AMOTL1: variants seen among roughly 807,000 people sequenced by gnomAD.
AMOTL1 encodes angiomotin like 1.
In AMOTL1, 45 loss-of-function variants were observed where a neutral mutation model predicts 102.9. The ratio of observed to expected loss-of-function variants is 0.44; its 90% confidence interval spans 0.34 to 0.56. AMOTL1 has a LOEUF of 0.56. Ranked by LOEUF, AMOTL1 falls within the 20% of genes least tolerant of loss-of-function variation. AMOTL1 has a pLI of 0.01. For missense variants in AMOTL1, 1,114 were observed against 1,225.6 expected (o/e 0.91, Z 1.36); for synonymous variants, 481 against 484.7 (o/e 0.99, Z 0.10).
In AMOTL1 at chr11:94,792,838, T is replaced by A. The variant is rs144028689; in HGVS notation, c.50-2173T>A. The stretch of plus-strand genomic sequence containing the variant: ...GTGAAGGGAAAAGGCATATCTTTGG[T>A]GTCCTCTGTGCTCCGGCCCTGCTTC... On this transcript the variant is annotated intron_variant, in intron 1 of 12. Coordinates refer to ENST00000433060, the MANE Select transcript of AMOTL1 (RefSeq NM_130847.3). Among the ~76,000 whole-genome samples the A allele has an allele frequency of 4.8e-3, 729 of 152,310 alleles. 11 individuals are homozygous for A. The highest frequency in any genetic ancestry group is 0.034 in the South Asian group (166 of 4,818).
At chr11:94,829,984 T>G (rs1419550287) in intron 4 of AMOTL1, 66 bp from the exon 5 acceptor site, 2 of 1,471,136 alleles carry the variant, frequency 1.4e-6, no homozygotes, top group Non-Finnish European at 9.1e-7. Flanking sequence ...TGTCTAAGAA[T>G]CCATTTTACC....
intron 2 of AMOTL1, among the ~76,000 whole-genome samples, chr11:94,733,422 TA>T (rs1950387290): frequency 6.6e-6 from 1 of 152,230 alleles, no homozygotes; most frequent in Non-Finnish European, 1.5e-5. Flanking sequence ...TTAGGACACT[TA>T]TTAAAGATTA....
chr11:94,729,310 G>A (rs1381487477), intron 2 of AMOTL1, among the ~76,000 whole-genome samples: 3 of 152,102 alleles, frequency 2.0e-5, no homozygotes, highest in Admixed American at 6.5e-5. Context: ...TGCCCACTTT[G>A]CAGTGTTATG....
chr11:94,805,267 G>A (rs571389560), intron 3 of AMOTL1, among the ~76,000 whole-genome samples: 3 of 152,198 alleles, frequency 2.0e-5, no homozygotes, highest in Non-Finnish European at 2.9e-5. Flanking sequence ...GAATTCTGGT[G>A]AAGTATTCTA....
At chr11:94,867,563 TTCC>T (rs946247229) in intron 11 of AMOTL1, among the ~76,000 whole-genome samples, 10 of 152,280 alleles carry the variant, frequency 6.6e-5, no homozygotes, top group African/African-American at 2.4e-4. Context: ...TGCACTGATA[TTCC>T]TCCTCATTGT....
intron 1 of AMOTL1, among the ~76,000 whole-genome samples, chr11:94,716,186 T>C (rs1209790164): frequency 6.6e-6 from 1 of 152,160 alleles, no homozygotes; most frequent in Non-Finnish European, 1.5e-5. Context: ...AATTCTATTT[T>C]CTGCATTTGT....
rs187823471 is a variant in AMOTL1 at position 94,788,605 on chromosome 11, A to G, written c.50-6406A>G. Among the ~76,000 whole-genome samples the G allele has an allele frequency of 3.3e-5, 5 of 152,308 alleles. No individual in the cohort carries two copies. In the East Asian group the frequency reaches 9.7e-4, roughly 29 times the overall value. The stretch of plus-strand genomic sequence containing the variant: ...ATTACTCATGGAACTCCAAAGCAGT[A>G]TGTTCCTTTAACATACTTTGCAATA... On this transcript the variant is annotated intron_variant, in intron 1 of 12. Transcript: ENST00000433060.
rs1406372738 is a variant in AMOTL1, at chr11:94,795,148, A to G, written c.187A>G (p.Arg63Gly). 3.7e-6 allele frequency: 6 copies of G among 1,613,578 alleles called. No homozygotes were observed. The highest frequency in any genetic ancestry group is 5.1e-6 in the Non-Finnish European group (6 of 1,179,826). The part of the protein sequence containing the change: ...ALTVEATSSI[R>G]EKVVEDPLCN... The stretch of plus-strand genomic sequence containing the variant: ...GACGGTGGAGGCAACCAGTAGCATC[A>G]GGGAAAAAGTTGGTAAGTCCTTTTA... The change falls in exon 2 of 13, where the codon AGG becomes GGG. Residue 63 changes from arginine (R) to glycine (G), a missense_variant. Coordinates refer to ENST00000433060, the MANE Select transcript of AMOTL1 (RefSeq NM_130847.3).
At chr11:94,757,431 TC>T (rs1008562617) in intron 3 of AMOTL1, among the ~76,000 whole-genome samples, 37 of 152,232 alleles carry the variant, frequency 2.4e-4, no homozygotes, top group African/African-American at 8.4e-4. Context: ...GAGGGGTGAT[TC>T]CAGGCCCATC....
In AMOTL1 at chr11:94,799,727, G is replaced by T; in HGVS notation, c.537G>T (p.Thr179=). 2 of 1,613,002 alleles carry T rather than the reference G, an allele frequency of 1.2e-6. No homozygotes were observed. Among genetic ancestry groups the T allele is most frequent in the Non-Finnish European group, 8.5e-7 (1 of 1,179,426 alleles). ...NTVMEKQVRS[T]QPQQNNEELP... is the part of the protein sequence containing the mutation. Reference sequence around the variant, plus strand: ...TGATGGAGAAACAGGTCCGGTCCACGCAGCCTCAGCAGAACAACGAGGAAC... The same window carrying T: ...TGATGGAGAAACAGGTCCGGTCCACTCAGCCTCAGCAGAACAACGAGGAAC... Residue 179 remains threonine, a synonymous_variant, in exon 3 of 13, where the codon ACG becomes ACT. Coordinates refer to ENST00000433060, the MANE Select transcript of AMOTL1 (RefSeq NM_130847.3). This position sits in a 1 kb window ranked among gnomAD's most constrained non-coding sequence, Gnocchi z 4.5.
chr11:94,740,251 C>T (rs12801645), intron 2 of AMOTL1: 17,776 of 152,304 alleles, frequency 0.12, 1,326 homozygotes, highest in South Asian at 0.28. Flanking sequence ...TCCATCTCCT[C>T]AGGAGAAGCC....
At chr11:94,811,551 C>G (rs534921676) in intron 3 of AMOTL1, among the ~76,000 whole-genome samples, 2 of 147,392 alleles carry the variant, frequency 1.4e-5, no homozygotes, top group Admixed American at 1.3e-4. Context: ...TTCCTTTTCC[C>G]ATTTTTTTTT....
At position 94,859,627 on chromosome 11, in the gene AMOTL1, G is replaced by A. The variant is rs752948602; in HGVS notation, c.2047G>A (p.Asp683Asn). The A allele has an allele frequency of 2.6e-5, 42 of 1,613,586 alleles. No individual in the cohort carries two copies. Among genetic ancestry groups the A allele is most frequent in the Non-Finnish European group, 3.4e-5 (40 of 1,179,766 alleles). ...GGAGCGGATCCTGGCCCTGGAGGCC[G>A]ACATGACAAAGTGGGAGCAGAAGTA... is the stretch of plus-strand genomic sequence containing the variant. ...KEERILALEA[D>N]MTKWEQKYLE... is the part of the protein sequence containing the mutation. The change falls in exon 9 of 13, where the codon GAC (aspartate) becomes AAC (asparagine). Residue 683 changes from aspartate to asparagine, a missense_variant. Coordinates refer to ENST00000433060, the MANE Select transcript of AMOTL1 (RefSeq NM_130847.3).
intron 2 of AMOTL1, among the ~76,000 whole-genome samples, chr11:94,798,961 C>G (rs1159026619): frequency 1.3e-5 from 2 of 151,764 alleles, no homozygotes; most frequent in Non-Finnish European, 2.9e-5. Flanking sequence ...TTACCAAAGA[C>G]AACTAGATGA....
Position 94,869,272 on chromosome 11 carries a change from T to G in AMOTL1, c.2563T>G (p.Ser855Ala). 6.2e-7 allele frequency: 1 copy of G among 1,613,076 alleles called. No homozygotes were observed. Among genetic ancestry groups the G allele is most frequent in the Non-Finnish European group, 8.5e-7 (1 of 1,179,592 alleles). ...LLPPPPTSAL[S>A]SIASTTAASS... ...GCCACCCCCACCCACCTCAGCACTGTCCTCCATAGCCTCCACTACGGCAGC... is the reference window on the plus strand; with the variant it reads ...GCCACCCCCACCCACCTCAGCACTGGCCTCCATAGCCTCCACTACGGCAGC... The change falls in exon 12 of 13, where the codon TCC becomes GCC. Residue 855 changes from serine to alanine, a missense_variant. Coordinates refer to ENST00000433060, the MANE Select transcript of AMOTL1 (RefSeq NM_130847.3).
At chr11:94,727,522 A>G (rs1056701858) in intron 1 of AMOTL1, among the ~76,000 whole-genome samples, 7 of 152,110 alleles carry the variant, frequency 4.6e-5, no homozygotes, top group African/African-American at 9.7e-5. Flanking sequence ...TCCTCAATCC[A>G]CTGACATGGG....
chr11:94,742,755 A>G (rs1950543420), intron 3 of AMOTL1, among the ~76,000 whole-genome samples: 1 of 152,206 alleles, frequency 6.6e-6, no homozygotes, highest in Non-Finnish European at 1.5e-5. Flanking sequence ...ATTTCTCACA[A>G]GTTCTGGAGG....
At chr11:94,859,749 C>G in intron 9 of AMOTL1, 34 bp downstream of exon 9, 1 of 1,545,556 alleles carries the variant, frequency 6.5e-7, no homozygotes, top group Non-Finnish European at 8.8e-7. Context: ...GTCATAAAAG[C>G]ACAGTTAAAA....
chr11:94,737,667 G>A (rs981714962), intron 2 of AMOTL1, among the ~76,000 whole-genome samples: 1 of 152,224 alleles, frequency 6.6e-6, no homozygotes, highest in Non-Finnish European at 1.5e-5. Context: ...AATGTTATTT[G>A]CTTGATTCTA....
Sources: allele counts gnomAD v4.1 joint callset (sites outside exome capture counted in the v4.1 genomes callset), GRCh38; gene constraint gnomAD v4.1.1; non-coding constraint Gnocchi (gnomAD v3.1); transcripts MANE v1.5; gene names NCBI Gene and HGNC (gene_info 2026-07-23, HGNC 2026-07-21).